Variants in PTPRD observed in about 807,000 individuals in gnomAD.
PTPRD encodes protein tyrosine phosphatase receptor type D, also known as receptor-type tyrosine-protein phosphatase delta.
Under a neutral mutation model 214.5 loss-of-function variants are expected in PTPRD, and 34 were observed. The observed-to-expected ratio is 0.16, with a 90% confidence interval of 0.12 to 0.21. The LOEUF (loss-of-function observed/expected upper bound fraction) is 0.21. PTPRD is among the 10% of genes least tolerant of loss of function. The probability of loss-of-function intolerance (pLI) is 1.00; values close to 1 mark genes in which losing one functional copy is unlikely to be tolerated. For missense variants in PTPRD, 2,545 were observed against 2,398.7 expected (o/e 1.06, Z -1.27); for synonymous variants, 1,128 against 845.7 (o/e 1.33, Z -5.79).
At chr9:10,402,318 T>G (rs1221381618) in intron 2 of PTPRD, among the ~76,000 whole-genome samples, 4 of 151,754 alleles carry the variant, frequency 2.6e-5, no homozygotes, top group Non-Finnish European at 5.9e-5. Context: ...ATGAACTCTC[T>G]GGGATTCTGA....
intron 7 of PTPRD, among the ~76,000 whole-genome samples, chr9:9,648,980 G>T (rs2096265511): frequency 6.6e-6 from 1 of 152,094 alleles, no homozygotes; most frequent in South Asian, 2.1e-4. Flanking sequence ...TATCATAGGA[G>T]TGTCTGCATT....
At chr9:8,375,761 C>T (rs1054061774) in intron 39 of PTPRD, among the ~76,000 whole-genome samples, 175 bp downstream of exon 39, 4 of 152,046 alleles carry the variant, frequency 2.6e-5, no homozygotes, top group African/African-American at 7.2e-5. Context: ...GGGAAATATG[C>T]ATCTATGTCA....
intron 10 of PTPRD, among the ~76,000 whole-genome samples, chr9:9,084,053 G>A (rs909411324): frequency 1.3e-5 from 2 of 152,104 alleles, no homozygotes; most frequent in Non-Finnish European, 2.9e-5. Flanking sequence ...CCATTTCTGG[G>A]TATATACCCA....
chr9:10,597,724 A>G (rs898111940), intron 2 of PTPRD, among the ~76,000 whole-genome samples: 6 of 151,950 alleles, frequency 3.9e-5, no homozygotes, highest in Admixed American at 3.3e-4. Context: ...GTAATTAGAA[A>G]AATTAAAGCT....
At chr9:9,642,114 A>T (rs539180631) in intron 7 of PTPRD, among the ~76,000 whole-genome samples, 1 of 148,562 alleles carries the variant, frequency 6.7e-6, no homozygotes, top group East Asian at 2.0e-4. Flanking sequence ...TATCCTTTGT[A>T]GGGACATGGA....
intron 41 of PTPRD, 145 bp from the exon 42 acceptor site, chr9:8,340,614 TAATC>T (rs1851573782): frequency 9.9e-6 from 8 of 808,716 alleles, no homozygotes; most frequent in Admixed American, 9.8e-5. Flanking sequence ...TAAGATTAAA[TAATC>T]AAATAAGAGC....
chr9:9,080,140 T>C (rs535538155), intron 10 of PTPRD, among the ~76,000 whole-genome samples: 2 of 152,172 alleles, frequency 1.3e-5, no homozygotes, highest in South Asian at 2.1e-4. Context: ...GAATGCATTA[T>C]ATTACTCATT....
At chr9:10,391,782 T>A (rs2098071441) in intron 2 of PTPRD, among the ~76,000 whole-genome samples, 1 of 151,826 alleles carries the variant, frequency 6.6e-6, no homozygotes, top group African/African-American at 2.4e-5. Flanking sequence ...TTCCAATGGG[T>A]TCCCATTGCC....
chr9:10,208,190 T>C (rs1045366728), intron 3 of PTPRD, among the ~76,000 whole-genome samples: 1 of 152,188 alleles, frequency 6.6e-6, no homozygotes, highest in South Asian at 2.1e-4. Flanking sequence ...TAAACTCTAT[T>C]TGATATTCTG....
chr9:9,139,179 C>T (rs1295265821), intron 10 of PTPRD, among the ~76,000 whole-genome samples: 1 of 147,702 alleles, frequency 6.8e-6, no homozygotes, highest in African/African-American at 2.5e-5. Context: ...CAATTCTGAA[C>T]CCTATATTTA....
At chr9:9,319,407 A>G (rs1965223785) in intron 9 of PTPRD, among the ~76,000 whole-genome samples, 1 of 152,186 alleles carries the variant, frequency 6.6e-6, no homozygotes, top group African/African-American at 2.4e-5. Flanking sequence ...AACTCAAACA[A>G]TCTTTAGTTG....
intron 2 of PTPRD, among the ~76,000 whole-genome samples, chr9:10,450,944 G>A (rs113533194): frequency 0.022 from 3,331 of 151,902 alleles, 175 homozygotes; most frequent in African/African-American, 0.076. Context: ...AAATCTCTAA[G>A]TACTCTGAGA....
chr9:9,925,402 T>C (rs186875386), intron 5 of PTPRD, among the ~76,000 whole-genome samples: 1 of 152,124 alleles, frequency 6.6e-6, no homozygotes, highest in South Asian at 2.1e-4. Context: ...GACTGCTGAA[T>C]GTTTGGTATT....
At chr9:10,033,488 C>G (rs752353441) in intron 4 of PTPRD, among the ~76,000 whole-genome samples, 2 of 151,802 alleles carry the variant, frequency 1.3e-5, no homozygotes, top group Non-Finnish European at 2.9e-5. Flanking sequence ...TTTATTCCAG[C>G]ACATAATTTT....
chr9:10,581,219 T>C (rs957428072), intron 2 of PTPRD, among the ~76,000 whole-genome samples: 6 of 152,222 alleles, frequency 3.9e-5, no homozygotes, highest in African/African-American at 1.4e-4. Context: ...TATTAAGCAC[T>C]GTAGAAGTAT....
At chr9:10,348,977 C>G (rs1024154428) in intron 2 of PTPRD, among the ~76,000 whole-genome samples, 2 of 152,038 alleles carry the variant, frequency 1.3e-5, no homozygotes, top group East Asian at 3.9e-4. Flanking sequence ...ATCAACCTAT[C>G]AATTATCTTT....
At chr9:9,223,448 G>C (rs1050084918) in intron 9 of PTPRD, among the ~76,000 whole-genome samples, 8 of 152,084 alleles carry the variant, frequency 5.3e-5, no homozygotes, top group African/African-American at 1.9e-4. Flanking sequence ...AGTTCACACA[G>C]ATTAATCTAC....
chr9:9,964,838 T>G (rs1566785588), intron 4 of PTPRD, among the ~76,000 whole-genome samples: 1 of 152,136 alleles, frequency 6.6e-6, no homozygotes, highest in African/African-American at 2.4e-5. Context: ...TTTGTATGCT[T>G]TCTGTTTCAA....
intron 2 of PTPRD, among the ~76,000 whole-genome samples, chr9:10,440,959 A>G (rs1566052380): frequency 6.6e-6 from 1 of 151,798 alleles, no homozygotes; most frequent in African/African-American, 2.4e-5. Context: ...TAGTACCTCT[A>G]TTTTAATCAA....
Sources: allele counts gnomAD v4.1 joint callset (sites outside exome capture counted in the v4.1 genomes callset), GRCh38; gene constraint gnomAD v4.1.1; transcripts MANE v1.5; gene names NCBI Gene and HGNC (gene_info 2026-07-23, HGNC 2026-07-21).